The following TBC1D20 variants were observed in gnomAD, a reference collection of about 807,000 sequenced individuals.
TBC1D20 encodes chromosome 20 open reading frame 140.
TBC1D20 carries 12 observed loss-of-function variants against 41.6 expected under a neutral mutation model. The observed-to-expected ratio is 0.29, with a 90% CI of 0.18 to 0.47. The LOEUF (loss-of-function observed/expected upper bound fraction) is 0.47, where lower values mean the gene tolerates loss of function less well. Among genes scored for constraint, TBC1D20 ranks in the 20% least tolerant of loss-of-function variants. TBC1D20 has a pLI of 1.00. For synonymous variants in TBC1D20, 205 were observed against 204.8 expected, an observed-to-expected ratio of 1.00 and a Z score of -0.01; for missense variants, 421 against 517.4, an observed-to-expected ratio of 0.81 and a Z score of 1.81.
In TBC1D20 at chr20:462,510, C is replaced by G. The variant is rs762510362; in HGVS notation, c.-105G>C. The G allele has an allele frequency of 9.6e-6, 6 of 623,476 alleles. No homozygotes were observed. The highest frequency in any genetic ancestry group is 2.0e-5 in the African/African-American group (1 of 50,556). The allele number at this position is 623,476 out of a possible 1,614,324, so 38.6% of individuals were successfully genotyped here. A position where few individuals can be genotyped will look rare whatever the true frequency, so the allele number is the denominator to read the frequency against. On this transcript the variant is annotated 5_prime_UTR_variant, in exon 1 of 8. Transcript: ENST00000354200. ...AGCACCCGCTCGGCATCGGCAGGCT[C>G]CCCTCCGTCGGCCAGCGGCGCGCAG...
Position 445,096 on chromosome 20 carries a change from T to G in TBC1D20, c.291A>C (p.Gln97His), listed in dbSNP as rs1266677618. ...ACCGCCGGACGTCCAGCAACACTTG[T>G]TGGTAGTCCTTGCTCATCTGCCGTA... is the stretch of plus-strand genomic sequence containing the variant. ...KNLRQMSKDY[Q>H]QVLLDVRRSL... Residue 97 changes from glutamine to histidine, a missense_variant, in exon 3 of 8, where the codon CAA becomes CAC. Gln to His is a conservative substitution (Grantham distance 24). Coordinates refer to ENST00000354200, the MANE Select transcript of TBC1D20 (RefSeq NM_144628.4). 13 of 1,604,328 alleles carry G rather than the reference T, an allele frequency of 8.1e-6. No homozygotes were observed. Among genetic ancestry groups the G allele is most frequent in the Non-Finnish European group, 1.1e-5 (13 of 1,174,068 alleles).
chr20:458,377 G>A (rs1256880107), intron 1 of TBC1D20, among the ~76,000 whole-genome samples: 2 of 150,412 alleles, frequency 1.3e-5, no homozygotes, highest in Non-Finnish European at 2.9e-5. Flanking sequence ...ATAGTGGCAC[G>A]ATCATGGCTC....
At chr20:457,163 C>T (rs528628508) in intron 1 of TBC1D20, among the ~76,000 whole-genome samples, 1 of 151,148 alleles carries the variant, frequency 6.6e-6, no homozygotes, top group Non-Finnish European at 1.5e-5. Context: ...CTCGAACTCC[C>T]CACCTCAGGT....
chr20:452,255 C>A (rs545874399), intron 1 of TBC1D20, among the ~76,000 whole-genome samples: 1 of 152,206 alleles, frequency 6.6e-6, no homozygotes, highest in South Asian at 2.1e-4. Flanking sequence ...TGGAGTGAGC[C>A]AAGATCGCAC....
rs2017236292 is a variant in TBC1D20, at chr20:441,841, TC to T, written c.524+15del. On this transcript the variant is annotated intron_variant, in intron 4 of 7. Transcript: ENST00000354200. The stretch of plus-strand genomic sequence containing the variant: ...AGGAGTGATGCCCGTCGTCTTGTGT[TC>T]CTCTCTACTGGTACCTGAGGTGGTG... 6 of 1,609,998 alleles carry T rather than the reference TC, an allele frequency of 3.7e-6. No homozygotes were observed. The East Asian group carries it at 1.1e-4, about 30-fold the overall frequency.
chr20:459,265 G>A (rs1360655126), intron 1 of TBC1D20, among the ~76,000 whole-genome samples: 1 of 152,316 alleles, frequency 6.6e-6, no homozygotes, highest in South Asian at 2.1e-4. Context: ...ATTGTATTTC[G>A]AGATAAACTT....
rs2017159926 is a variant in TBC1D20 at position 438,485 on chromosome 20, T to C, written c.*101A>G. 7.1e-7 allele frequency: 1 copy of C among 1,409,972 alleles called. No individual in the cohort carries two copies. The highest frequency in any genetic ancestry group is 2.3e-5 in the East Asian group (1 of 43,634). The allele number at this position is 1,409,972 out of a possible 1,614,324, so 87.3% of individuals were successfully genotyped here. On this transcript the variant is annotated 3_prime_UTR_variant, in exon 8 of 8. Coordinates refer to ENST00000354200, the MANE Select transcript of TBC1D20 (RefSeq NM_144628.4). ...GCAGGGTGGCAGGAATAAAAAACTC[T>C]GGACAGAAACCCTTTTAATAAAGGA... is the stretch of plus-strand genomic sequence containing the variant.
Position 462,411 on chromosome 20 carries a change from G to A in TBC1D20, c.-6C>T. 2 of 1,226,678 alleles carry A rather than the reference G, an allele frequency of 1.6e-6. No homozygotes were observed. Among genetic ancestry groups the A allele is most frequent in the Non-Finnish European group, 1.0e-6 (1 of 976,980 alleles). 76.0% of individuals were successfully genotyped at this position (1,226,678 alleles called of 1,614,324 possible). On this transcript the variant is annotated 5_prime_UTR_variant, in exon 1 of 8. Transcript: ENST00000354200. ...TGCGCACTCCGGAGGGCCATGCCCC[G>A]GGGCCCCGGGCCCCCACCCGAGCCC... is the stretch of plus-strand genomic sequence containing the variant.
chr20:454,115 C>A (rs528174615), intron 1 of TBC1D20, among the ~76,000 whole-genome samples: 2 of 150,860 alleles, frequency 1.3e-5, no homozygotes, highest in South Asian at 2.1e-4. Flanking sequence ...TGGTGGCGGG[C>A]GCCTGTAGTC....
At chr20:454,762 C>T (rs2017513083) in intron 1 of TBC1D20, among the ~76,000 whole-genome samples, 1 of 152,074 alleles carries the variant, frequency 6.6e-6, no homozygotes, top group South Asian at 2.1e-4. Context: ...ACCTCTGTCT[C>T]TTGGGTTCAA....
chr20:440,705 T>C (rs1374032938), intron 5 of TBC1D20: 3 of 258,870 alleles, frequency 1.2e-5, no homozygotes, highest in Non-Finnish European at 2.2e-5. Context: ...TCTGACTAAG[T>C]CTTACCCTTC....
chr20:459,128 G>A (rs2017589679), intron 1 of TBC1D20, among the ~76,000 whole-genome samples: 1 of 152,204 alleles, frequency 6.6e-6, no homozygotes, highest in Non-Finnish European at 1.5e-5. Context: ...GACGACACAG[G>A]GAGGGAGTTA....
At chr20:449,056 A>G (rs1308409348) in intron 1 of TBC1D20, among the ~76,000 whole-genome samples, 1 of 150,390 alleles carries the variant, frequency 6.6e-6, no homozygotes, top group Non-Finnish European at 1.5e-5. Flanking sequence ...AACGTTGGCC[A>G]GGGTGGTCAT....
At chr20:448,097 A>G (rs973133270) in intron 1 of TBC1D20, 23 bp from the exon 2 acceptor site, 72 of 1,580,630 alleles carry the variant, frequency 4.6e-5, no homozygotes, top group Non-Finnish European at 5.8e-5. Flanking sequence ...ATAGGGAAGA[A>G]TTAGGCGCAC....
chr20:442,649 AGTGTACT>A (rs1451216028), intron 3 of TBC1D20, among the ~76,000 whole-genome samples: 6 of 152,244 alleles, frequency 3.9e-5, no homozygotes, highest in Admixed American at 1.3e-4. Context: ...GATGTTGCTC[AGTGTACT>A]GTGATTACAT....
chr20:462,410 C>A lies in TBC1D20; in HGVS notation c.-5G>T. 8.2e-7 allele frequency: 1 copy of A among 1,225,918 alleles called. No individual in the cohort carries two copies. Among genetic ancestry groups the A allele is most frequent in the Non-Finnish European group, 1.0e-6 (1 of 976,552 alleles). The allele number at this position is 1,225,918 out of a possible 1,614,324, so 75.9% of individuals were successfully genotyped here. A position where few individuals can be genotyped will look rare whatever the true frequency, so the allele number is the denominator to read the frequency against. On this transcript the variant is annotated 5_prime_UTR_variant, in exon 1 of 8. Transcript: ENST00000354200. ...CTGCGCACTCCGGAGGGCCATGCCC[C>A]GGGGCCCCGGGCCCCCACCCGAGCC...
intron 2 of TBC1D20, among the ~76,000 whole-genome samples, chr20:447,018 C>G (rs555448877): frequency 7.2e-6 from 1 of 138,990 alleles, no homozygotes; most frequent in African/African-American, 2.7e-5. Context: ...GGTGCAATCT[C>G]TGCTCACTGC....
chr20:451,072 A>G lies in TBC1D20; in HGVS notation c.71-2998T>C, dbSNP rs148246820. Among the ~76,000 whole-genome samples, 136 of 152,352 alleles carry G rather than the reference A, an allele frequency of 8.9e-4. 1 individual carries two copies. The highest frequency in any genetic ancestry group is 1.6e-3 in the Non-Finnish European group (111 of 68,038). On this transcript the variant is annotated intron_variant, in intron 1 of 7. Transcript: ENST00000354200. ...ACCAAACGTCACAAGGCAGTAGACT[A>G]TAATTGTCAAAAAAGGTGCATGCAG...
intron 5 of TBC1D20, 98 bp from the exon 6 acceptor site, chr20:440,487 A>C: frequency 6.9e-7 from 1 of 1,451,808 alleles, no homozygotes; most frequent in East Asian, 2.4e-5. Flanking sequence ...TTTAGGAATA[A>C]GATTTCTGGA....
Sources: allele counts gnomAD v4.1 joint callset (sites outside exome capture counted in the v4.1 genomes callset), GRCh38; gene constraint gnomAD v4.1.1; transcripts MANE v1.5; gene names NCBI Gene and HGNC (gene_info 2026-07-23, HGNC 2026-07-21).